TPRG1: variants seen among roughly 807,000 people sequenced by gnomAD.
TPRG1 encodes tumor protein p63 regulated 1.
A neutral mutation model predicts 29.3 loss-of-function variants in TPRG1; 29 were observed. The observed-to-expected ratio is 0.99, with a 90% confidence interval of 0.74 to 1.35. The LOEUF (loss-of-function observed/expected upper bound fraction) is 1.35. TPRG1 is among the 40% of genes most tolerant of loss of function. The probability of loss-of-function intolerance (pLI) is 0.00; values close to 1 mark genes in which losing one functional copy is unlikely to be tolerated. For missense variants in TPRG1, 327 were observed against 335.0 expected (o/e 0.98, Z 0.19); for synonymous variants, 130 against 116.8 (o/e 1.11, Z -0.73).
rs11918318 is a variant in TPRG1 at position 189,190,385 on chromosome 3, G to A, written c.-9-16991G>A. Among the ~76,000 whole-genome samples the A allele has an allele frequency of 2.0e-3, 300 of 152,200 alleles. 1 individual carries two copies. Among genetic ancestry groups the A allele is most frequent in the African/African-American group, 6.0e-3 (250 of 41,526 alleles). ...TTCTATCTGGTCTCCTTGGTCTTCT[G>A]GGAAGAATTGACACATCCCTGGTCT... On this transcript the variant is annotated intron_variant, in intron 1 of 5. Transcript: ENST00000345063.
intron 3 of TPRG1, among the ~76,000 whole-genome samples, chr3:189,143,800 C>T (rs1381030213): frequency 3.9e-5 from 6 of 152,198 alleles, no homozygotes; most frequent in African/African-American, 1.4e-4. Flanking sequence ...TGGTCTCTGT[C>T]AAATCTACTG....
chr3:189,048,970 A>C (rs1311992403), intron 4 of TPRG1, among the ~76,000 whole-genome samples: 1 of 152,210 alleles, frequency 6.6e-6, no homozygotes, highest in Non-Finnish European at 1.5e-5. Flanking sequence ...GTAGAGGAGC[A>C]GCAGAAAGGC....
At chr3:189,191,150 A>C (rs1300942036) in intron 1 of TPRG1, among the ~76,000 whole-genome samples, 1 of 152,198 alleles carries the variant, frequency 6.6e-6, no homozygotes, top group Non-Finnish European at 1.5e-5. Flanking sequence ...TTATTTTCAT[A>C]TGTGCACATA....
At chr3:189,269,535 A>G (rs2109075992) in intron 4 of TPRG1, among the ~76,000 whole-genome samples, 1 of 152,190 alleles carries the variant, frequency 6.6e-6, no homozygotes, top group East Asian at 1.9e-4. Context: ...TTTCCTGAGA[A>G]CTCATCTGGA....
At chr3:189,137,959 A>G (rs902564538) in intron 3 of TPRG1, among the ~76,000 whole-genome samples, 14 of 152,204 alleles carry the variant, frequency 9.2e-5, no homozygotes, top group African/African-American at 9.6e-5. Context: ...TCCATAGATA[A>G]TAGACAAAAA....
intron 3 of TPRG1, among the ~76,000 whole-genome samples, chr3:189,234,281 A>G (rs1739110938): frequency 6.6e-6 from 1 of 152,200 alleles, no homozygotes; most frequent in Non-Finnish European, 1.5e-5. Context: ...AAACCTATGG[A>G]TGGGTAATTT....
chr3:189,282,386 T>G (rs1010000177), intron 4 of TPRG1, among the ~76,000 whole-genome samples: 109 of 152,194 alleles, frequency 7.2e-4, no homozygotes, highest in African/African-American at 2.5e-3. Context: ...CTACATACTC[T>G]TCTAACACCT....
upstream of TPRG1, among the ~76,000 whole-genome samples, chr3:189,098,323 G>T (rs1718823153): frequency 6.6e-6 from 1 of 152,138 alleles, no homozygotes; most frequent in South Asian, 2.1e-4. Flanking sequence ...GAAAGGAAGG[G>T]GGATCCTGTG....
chr3:189,207,228 T>C (rs1734529062), intron 1 of TPRG1, 148 bp from the exon 2 acceptor site: 1 of 1,423,610 alleles, frequency 7.0e-7, no homozygotes, highest in Non-Finnish European at 9.3e-7. Flanking sequence ...TATGAAGCTG[T>C]ATCCACCAAT....
chr3:189,271,053 G>A (rs1366147724), intron 4 of TPRG1, among the ~76,000 whole-genome samples: 1 of 152,128 alleles, frequency 6.6e-6, no homozygotes, highest in East Asian at 1.9e-4. Flanking sequence ...AGTGAAGGCA[G>A]GAGAGTGGTT....
At chr3:189,190,625 G>T (rs1731550792) in intron 1 of TPRG1, among the ~76,000 whole-genome samples, 1 of 152,148 alleles carries the variant, frequency 6.6e-6, no homozygotes, top group African/African-American at 2.4e-5. Flanking sequence ...ACAAGATGCA[G>T]GATCAAGATA....
At chr3:189,024,364 C>G (rs1187032399) in intron 4 of TPRG1, among the ~76,000 whole-genome samples, 3 of 152,162 alleles carry the variant, frequency 2.0e-5, no homozygotes, top group Non-Finnish European at 4.4e-5. Flanking sequence ...CTGGAACAGC[C>G]AAGTCACCCA....
At chr3:189,034,944 A>C (rs1490555964) in intron 4 of TPRG1, among the ~76,000 whole-genome samples, 2 of 152,196 alleles carry the variant, frequency 1.3e-5, no homozygotes, top group African/African-American at 4.8e-5. Context: ...CTATTCTAAA[A>C]TTTGTGTGGA....
At chr3:189,207,250 G>A in intron 1 of TPRG1, 126 bp from the exon 2 acceptor site, 1 of 1,433,780 alleles carries the variant, frequency 7.0e-7, no homozygotes. Context: ...CCTCTGTTTA[G>A]TTAACATGAA....
intron 4 of TPRG1, among the ~76,000 whole-genome samples, chr3:189,059,526 A>G (rs1715955920): frequency 6.6e-6 from 1 of 152,114 alleles, no homozygotes; most frequent in Non-Finnish European, 1.5e-5. Flanking sequence ...CAAGAGGTGG[A>G]GGTTGCAGTG....
intron 4 of TPRG1, among the ~76,000 whole-genome samples, chr3:189,266,219 G>A (rs1245469884): frequency 6.6e-6 from 1 of 152,210 alleles, no homozygotes; most frequent in Non-Finnish European, 1.5e-5. Context: ...CCAAACTGGT[G>A]ACTGCCATAG....
chr3:189,255,952 C>CAA (rs200215209), intron 4 of TPRG1, among the ~76,000 whole-genome samples: 1 of 150,858 alleles, frequency 6.6e-6, no homozygotes, highest in Non-Finnish European at 1.5e-5. Context: ...TAATCTTTTC[C>CAA]AAAAAAAACA....
chr3:189,240,099 G>A (rs1004153518), intron 4 of TPRG1, among the ~76,000 whole-genome samples: 7 of 152,024 alleles, frequency 4.6e-5, no homozygotes, highest in African/African-American at 1.7e-4. Flanking sequence ...AAAAAAGCAC[G>A]AGTTCATCAA....
At chr3:189,094,949 A>G (rs529784944) in intron 4 of TPRG1, among the ~76,000 whole-genome samples, 1 of 152,274 alleles carries the variant, frequency 6.6e-6, no homozygotes, top group East Asian at 1.9e-4. Flanking sequence ...AATGATTGGC[A>G]TCAGTTTTAC....
Sources: gnomAD v4.1 joint callset for allele counts (sites outside exome capture counted in the v4.1 genomes callset) on GRCh38, gnomAD v4.1.1 for gene constraint, MANE v1.5 for transcripts, NCBI Gene and HGNC (gene_info 2026-07-23, HGNC 2026-07-21) for gene names.